The following KIAA1549 variants were observed in gnomAD, a reference collection of about 807,000 sequenced individuals.
KIAA1549 encodes the protein UPF0606 protein KIAA1549.
Under a neutral mutation model 156.4 loss-of-function variants are expected in KIAA1549, and 70 were observed. The observed-to-expected ratio is 0.45, with a 90% CI of 0.37 to 0.55. KIAA1549 has a LOEUF of 0.55. Ranked by LOEUF, KIAA1549 falls within the 20% of genes least tolerant of loss-of-function variation. The pLI, the probability that KIAA1549 is intolerant of heterozygous loss-of-function variation, is 0.00. For synonymous variants in KIAA1549, 1,103 were observed against 1,066.4 expected (o/e 1.03, Z -0.67); for missense variants, 2,428 against 2,540.9 (o/e 0.96, Z 0.96).
At position 138,846,632 on chromosome 7, in the gene KIAA1549, A is replaced by C. The variant is rs558761606; in HGVS notation, c.5295-2158T>G. ...ATGTCAATACAATGGAAAAAAGGGAAATAATATCTTAGTAATATTATGAAA... is the reference window on the plus strand; with the variant it reads ...ATGTCAATACAATGGAAAAAAGGGACATAATATCTTAGTAATATTATGAAA... On this transcript the variant is annotated intron_variant, in intron 17 of 19. Coordinates refer to ENST00000422774, the MANE Select transcript of KIAA1549 (RefSeq NM_001164665.2). Among the ~76,000 whole-genome samples, 13 of 152,236 alleles carry C rather than the reference A, an allele frequency of 8.5e-5. No homozygotes were observed. In the South Asian group the frequency reaches 2.1e-3, roughly 24 times the overall value.
At chr7:138,848,028 T>C (rs974308286) in intron 17 of KIAA1549, among the ~76,000 whole-genome samples, 3 of 152,272 alleles carry the variant, frequency 2.0e-5, no homozygotes, top group African/African-American at 7.2e-5. Context: ...ATACTGATTT[T>C]ACATCGTTAT....
intron 10 of KIAA1549, among the ~76,000 whole-genome samples, chr7:138,886,783 G>C (rs191998447): frequency 6.6e-6 from 1 of 152,162 alleles, no homozygotes; most frequent in African/African-American, 2.4e-5. Flanking sequence ...AGCAGTTCAT[G>C]AGCATAACAG....
intron 4 of KIAA1549, among the ~76,000 whole-genome samples, chr7:138,910,553 A>G (rs1004328212): frequency 5.9e-5 from 9 of 151,852 alleles, no homozygotes; most frequent in African/African-American, 2.2e-4. Context: ...GTATGCCACC[A>G]TATCTGGCTA....
At chr7:138,885,086 T>A (rs377582386) in intron 10 of KIAA1549, among the ~76,000 whole-genome samples, 2 of 152,162 alleles carry the variant, frequency 1.3e-5, no homozygotes, top group African/African-American at 4.8e-5. Context: ...TCCCAGCTAC[T>A]CGGGAGGCTG....
rs773490608 is a variant in KIAA1549 at position 138,838,023 on chromosome 7, G to C, written c.5736C>G (p.Thr1912=). The C allele has an allele frequency of 6.2e-7, 1 of 1,609,520 alleles. No individual in the cohort carries two copies. Among genetic ancestry groups the C allele is most frequent in the South Asian group, 1.1e-5 (1 of 89,814 alleles). ...CAGGCTGGAGGTCTTCCGTGGAGCTGGTGGGGTAACCCAGCCCAGGGCCCT... is the reference window on the plus strand; with the variant it reads ...CAGGCTGGAGGTCTTCCGTGGAGCTCGTGGGGTAACCCAGCCCAGGGCCCT... ...GLQGPGLGYP[T]SSTEDLQPGH... Residue 1912 remains threonine, a synonymous_variant, in exon 20 of 20, where the codon ACC becomes ACG. Transcript: ENST00000422774.
intron 1 of KIAA1549, among the ~76,000 whole-genome samples, chr7:138,972,587 T>C (rs1364234966): frequency 2.6e-5 from 4 of 151,918 alleles, no homozygotes; most frequent in Non-Finnish European, 5.9e-5. Flanking sequence ...GAACGTCAAG[T>C]GCTAGAGGAC....
At chr7:138,869,894 G>T in intron 13 of KIAA1549, 133 bp from the exon 14 acceptor site, 1 of 690,162 alleles carries the variant, frequency 1.4e-6, no homozygotes, top group Non-Finnish European at 2.4e-6. Flanking sequence ...CTGTTGCCCA[G>T]GCTGGAGTGC....
chr7:138,952,007 T>C (rs1465899533), intron 1 of KIAA1549, among the ~76,000 whole-genome samples: 1 of 152,210 alleles, frequency 6.6e-6, no homozygotes, highest in Non-Finnish European at 1.5e-5. Context: ...TAACCAATCC[T>C]GCCCTCAGTG....
chr7:138,974,236 A>G (rs1814306282), intron 1 of KIAA1549, among the ~76,000 whole-genome samples: 1 of 152,092 alleles, frequency 6.6e-6, no homozygotes, highest in African/African-American at 2.4e-5. Flanking sequence ...CCAAAAAACT[A>G]AAGCAGAGTC....
intron 3 of KIAA1549, 106 bp from the exon 4 acceptor site, chr7:138,911,429 G>A: frequency 1.2e-6 from 1 of 817,734 alleles, no homozygotes; most frequent in African/African-American, 1.8e-5. Flanking sequence ...TGAATGAAGG[G>A]GTAGTGCATC....
intron 1 of KIAA1549, among the ~76,000 whole-genome samples, chr7:138,947,828 T>A (rs1273574280): frequency 6.6e-6 from 1 of 151,976 alleles, no homozygotes; most frequent in African/African-American, 2.4e-5. Flanking sequence ...AGTGGCACCA[T>A]CTCGGCTCAC....
In KIAA1549 at chr7:138,833,033, G is replaced by C. The variant is rs1300038196; in HGVS notation, c.*4873C>G. The C allele has an allele frequency of 8.6e-6, 2 of 231,942 alleles. No individual in the cohort carries two copies. Among genetic ancestry groups the C allele is most frequent in the Non-Finnish European group, 1.7e-5 (2 of 117,350 alleles). The allele number at this position is 231,942 out of a possible 1,614,324, so 14.4% of individuals were successfully genotyped here. ...TGACTATGCCATAGAAATGTGTTTT[G>C]TGTTCACATGCTCTGTCTGCCGGTA... On this transcript the variant is annotated 3_prime_UTR_variant, in exon 20 of 20. Transcript: ENST00000422774.
rs769467665 is a variant in KIAA1549, at chr7:138,899,110, T to A, written c.3692A>T (p.Glu1231Val). 1.2e-6 allele frequency: 2 copies of A among 1,613,806 alleles called. No homozygotes were observed. Among genetic ancestry groups the A allele is most frequent in the East Asian group, 4.5e-5 (2 of 44,888 alleles). The change falls in exon 9 of 20, where the codon GAG becomes GTG. Residue 1231 changes from glutamate (E) to valine (V), a missense_variant. Glu to Val is a moderately radical substitution (Grantham distance 121, BLOSUM62 -2). Around this residue, in one of 5 missense-constraint regions of KIAA1549, gnomAD observed 762 missense variants for 901.6 expected, o/e 0.85. Transcript: ENST00000422774. ...VVQVVNVSRLEGDDNPVQLIY... is the reference protein window; with the variant it reads ...VVQVVNVSRLVGDDNPVQLIY... Reference sequence around the variant, plus strand: ...GAGCTGTACCGGATTGTCATCTCCCTCCAGCCTCGACACATTTACCACCTG... The same window carrying A: ...GAGCTGTACCGGATTGTCATCTCCCACCAGCCTCGACACATTTACCACCTG...
chr7:138,852,138 A>C, intron 17 of KIAA1549, 85 bp downstream of exon 17: 8 of 838,826 alleles, frequency 9.5e-6, no homozygotes, highest in African/African-American at 1.7e-5. Flanking sequence ...ATCTGCTCAT[A>C]TTAGCTAAAA....
intron 18 of KIAA1549, among the ~76,000 whole-genome samples, chr7:138,843,107 T>C (rs1011603689): frequency 2.6e-5 from 4 of 152,194 alleles, no homozygotes; most frequent in Non-Finnish European, 4.4e-5. Flanking sequence ...AGCTAATATT[T>C]ATTGAAAGTT....
intron 1 of KIAA1549, among the ~76,000 whole-genome samples, chr7:138,971,771 T>C (rs1261291064): frequency 2.0e-5 from 3 of 152,156 alleles, no homozygotes; most frequent in African/African-American, 7.2e-5. Context: ...TCTCGGTCCC[T>C]TTCAGTACCA....
In KIAA1549 at chr7:138,844,332, C is replaced by T. The variant is rs771040699; in HGVS notation, c.5437G>A (p.Val1813Ile). Residue 1813 changes from valine to isoleucine, a missense_variant, in exon 18 of 20, where the codon GTC becomes ATC. Physicochemically the swap from Val to Ile is conservative, Grantham distance 29. Coordinates refer to ENST00000422774, the MANE Select transcript of KIAA1549 (RefSeq NM_001164665.2). ...EMPSVARPRPVGGTTGSQIQH... is the reference protein window; with the variant it reads ...EMPSVARPRPIGGTTGSQIQH... ...CCACATATACCTGTGGTACCCCCGA[C>T]AGGCCGAGGCCGGGCCACCGACGGC... is the stretch of plus-strand genomic sequence containing the variant. The T allele has an allele frequency of 2.4e-5, 39 of 1,613,994 alleles. No individual in the cohort carries two copies. The highest frequency in any genetic ancestry group is 3.1e-5 in the Non-Finnish European group (36 of 1,179,894).
chr7:138,915,252 T>C (rs769940043), intron 2 of KIAA1549, among the ~76,000 whole-genome samples: 1 of 152,150 alleles, frequency 6.6e-6, no homozygotes, highest in African/African-American at 2.4e-5. Context: ...TTATCCCAAA[T>C]AGCCACTCTT....
In KIAA1549 at chr7:138,881,679, C is replaced by T. The variant is rs1158967728; in HGVS notation, c.4033-95G>A. ...CTGACCCAAGACTGTGCTGGCAATT[C>T]CACAACTCCAATCCAACAAGCATCG... On this transcript the variant is annotated intron_variant, in intron 10 of 19. Coordinates refer to ENST00000422774, the MANE Select transcript of KIAA1549 (RefSeq NM_001164665.2). The T allele has an allele frequency of 5.8e-6, 6 of 1,034,200 alleles. No individual in the cohort carries two copies. In the African/African-American group the frequency reaches 6.5e-5, roughly 11 times the overall value. 64.1% of individuals were successfully genotyped at this position (1,034,200 alleles called of 1,614,324 possible). A position where few individuals can be genotyped will look rare whatever the true frequency, so the allele number is the denominator to read the frequency against.
Sources: allele counts gnomAD v4.1 joint callset (sites outside exome capture counted in the v4.1 genomes callset), GRCh38; gene constraint gnomAD v4.1.1; regional missense constraint gnomAD v4.1.1; transcripts MANE v1.5; gene names NCBI Gene and HGNC (gene_info 2026-07-23, HGNC 2026-07-21).